BMP6: variants seen among roughly 807,000 people sequenced by gnomAD.
BMP6 encodes the protein bone morphogenetic protein 6.
BMP6 carries 17 observed loss-of-function variants against 54.1 expected under a neutral mutation model. That is an observed-to-expected ratio of 0.31 (90% CI 0.22 to 0.47). The LOEUF is 0.47. Ranked by LOEUF, BMP6 falls within the 20% of genes least tolerant of loss-of-function variation. The probability of loss-of-function intolerance (pLI) is 1.00; values close to 1 mark genes in which losing one functional copy is unlikely to be tolerated. For synonymous variants in BMP6, 328 were observed against 291.2 expected, an observed-to-expected ratio of 1.13 and a Z score of -1.28; for missense variants, 720 against 690.4, an observed-to-expected ratio of 1.04 and a Z score of -0.48.
chr6:7,840,813 G>A (rs1292804485), intron 1 of BMP6, among the ~76,000 whole-genome samples: 8 of 152,074 alleles, frequency 5.3e-5, no homozygotes, highest in Admixed American at 5.2e-4. Flanking sequence ...AAAAATTCTA[G>A]GAATTATTGC....
At chr6:7,729,769 G>C (rs780173470) in intron 1 of BMP6, among the ~76,000 whole-genome samples, 2 of 152,230 alleles carry the variant, frequency 1.3e-5, no homozygotes, top group Non-Finnish European at 2.9e-5. Flanking sequence ...AATCACGTGG[G>C]TGTTACGTGG....
intron 1 of BMP6, among the ~76,000 whole-genome samples, chr6:7,842,343 TG>T (rs1758986828): frequency 1.3e-5 from 2 of 152,250 alleles, no homozygotes; most frequent in African/African-American, 4.8e-5. Context: ...CTGAGGTGCT[TG>T]GGGACAGGCT....
chr6:7,742,438 GC>G (rs1483558282), intron 1 of BMP6, among the ~76,000 whole-genome samples: 1 of 152,184 alleles, frequency 6.6e-6, no homozygotes, highest in East Asian at 1.9e-4. Flanking sequence ...AGGCTGGTAG[GC>G]TTGGCATACA....
At chr6:7,839,483 A>G (rs1758930011) in intron 1 of BMP6, among the ~76,000 whole-genome samples, 1 of 152,188 alleles carries the variant, frequency 6.6e-6, no homozygotes, top group South Asian at 2.1e-4. Flanking sequence ...CCTCTCCCAT[A>G]GCCCCTGGTA....
At position 7,750,476 on chromosome 6, in the gene BMP6, G is replaced by T. The variant is rs1757405540; in HGVS notation, c.664+22857G>T. On this transcript the variant is annotated intron_variant, in intron 1 of 6. Coordinates refer to ENST00000283147, the MANE Select transcript of BMP6 (RefSeq NM_001718.6). ...TTTGGAGTTTCTGAAATTGTGCAGTGCAGTGTTTTAGCTTAACATTCTCAC... is the reference window on the plus strand; with the variant it reads ...TTTGGAGTTTCTGAAATTGTGCAGTTCAGTGTTTTAGCTTAACATTCTCAC... 2.0e-5 allele frequency among the ~76,000 whole-genome samples: 3 copies of T among 152,300 alleles called. No individual in the cohort carries two copies. The South Asian group carries it at 6.2e-4, about 32-fold the overall frequency.
chr6:7,740,517 A>G (rs949742360), intron 1 of BMP6, among the ~76,000 whole-genome samples: 1 of 152,162 alleles, frequency 6.6e-6, no homozygotes, highest in Admixed American at 6.5e-5. Flanking sequence ...ATTTGTAGAA[A>G]GTTGTCAGTC....
intron 2 of BMP6, among the ~76,000 whole-genome samples, chr6:7,847,374 G>C (rs1426903299): frequency 6.6e-6 from 1 of 152,180 alleles, no homozygotes; most frequent in Non-Finnish European, 1.5e-5. Context: ...TGTGGGCCAG[G>C]AGCCCAGGCC....
At position 7,738,795 on chromosome 6, in the gene BMP6, T is replaced by A. The variant is rs1164235710; in HGVS notation, c.664+11176T>A. 3.9e-5 allele frequency among the ~76,000 whole-genome samples: 6 copies of A among 152,246 alleles called. No individual in the cohort carries two copies. In the East Asian group the frequency reaches 9.6e-4, roughly 24 times the overall value. On this transcript the variant is annotated intron_variant, in intron 1 of 6. Transcript: ENST00000283147. ...TAGGTAGGCATGGCTGCAACCATCA[T>A]GGCAGGGAAGATGGTGAACACATTC...
chr6:7,832,264 C>G lies in BMP6; in HGVS notation c.665-12876C>G, dbSNP rs557713270. 2.4e-4 allele frequency among the ~76,000 whole-genome samples: 36 copies of G among 152,282 alleles called. No homozygotes were observed. The South Asian group carries it at 6.6e-3, about 28-fold the overall frequency. On this transcript the variant is annotated intron_variant, in intron 1 of 6. Coordinates refer to ENST00000283147, the MANE Select transcript of BMP6 (RefSeq NM_001718.6). ...CCGAATGTTTGTTTCCACGCCCCTG[C>G]AAATTCATATCTTGAAACCTAACCC...
Position 7,861,453 on chromosome 6 carries a change from A to G in BMP6, c.860A>G (p.Asp287Gly), listed in dbSNP as rs529370368. 6.2e-7 allele frequency: 1 copy of G among 1,613,478 alleles called. No homozygotes were observed. The highest frequency in any genetic ancestry group is 1.3e-5 in the African/African-American group (1 of 74,860). ...YQVLQEHQHR[D>G]SDLFLLDTRV... ...AGGCCATTTTTTCTTTCTTTCAGAG[A>G]CTCTGACCTGTTTTTGTTGGACACC... The change falls in exon 3 of 7, where the codon GAC becomes GGC. Residue 287 changes from aspartate to glycine, a missense_variant and splice_region_variant. Coordinates refer to ENST00000283147, the MANE Select transcript of BMP6 (RefSeq NM_001718.6).
At chr6:7,745,389 C>T (rs1448053507) in intron 1 of BMP6, among the ~76,000 whole-genome samples, 2 of 152,156 alleles carry the variant, frequency 1.3e-5, no homozygotes, top group Non-Finnish European at 2.9e-5. Flanking sequence ...TCCTCCCACC[C>T]TAGCCTCCTG....
At chr6:7,752,643 C>T (rs982417294) in intron 1 of BMP6, among the ~76,000 whole-genome samples, 5 of 144,674 alleles carry the variant, frequency 3.5e-5, no homozygotes, top group Non-Finnish European at 4.5e-5. Context: ...GCCATAACTT[C>T]AGGAAGGTGC....
intron 4 of BMP6, among the ~76,000 whole-genome samples, chr6:7,877,139 C>G (rs1023029954): frequency 1.3e-5 from 2 of 151,954 alleles, no homozygotes; most frequent in African/African-American, 4.8e-5. Flanking sequence ...CCTTGTCCTG[C>G]ATTGTGAAAA....
intron 1 of BMP6, among the ~76,000 whole-genome samples, chr6:7,804,352 C>A (rs551353652): frequency 1.3e-5 from 2 of 152,004 alleles, no homozygotes; most frequent in African/African-American, 2.4e-5. Context: ...TCTCATTAGC[C>A]ATCTGGCCAT....
chr6:7,786,708 C>G (rs1157029188), intron 1 of BMP6, among the ~76,000 whole-genome samples: 6 of 152,224 alleles, frequency 3.9e-5, no homozygotes, highest in African/African-American at 1.4e-4. Flanking sequence ...CCCTCCCTAG[C>G]ACTTCATGAG....
At chr6:7,823,837 G>T (rs1004530590) in intron 1 of BMP6, among the ~76,000 whole-genome samples, 4 of 152,182 alleles carry the variant, frequency 2.6e-5, no homozygotes, top group Non-Finnish European at 5.9e-5. Context: ...AGCAAGCCAG[G>T]GCCCTACGTG....
At chr6:7,829,086 C>T (rs1758748299) in intron 1 of BMP6, among the ~76,000 whole-genome samples, 1 of 152,220 alleles carries the variant, frequency 6.6e-6, no homozygotes, top group Non-Finnish European at 1.5e-5. Flanking sequence ...ACTTTCAAAA[C>T]TTGAACATTT....
intron 1 of BMP6, among the ~76,000 whole-genome samples, chr6:7,834,521 AT>A (rs34500059): frequency 8.0e-5 from 12 of 149,486 alleles, no homozygotes; most frequent in Admixed American, 2.0e-4. Flanking sequence ...AGCAATTTGA[AT>A]TTTTTTTTTT....
intron 1 of BMP6, among the ~76,000 whole-genome samples, chr6:7,808,361 G>A (rs1192367110): frequency 6.6e-6 from 1 of 152,202 alleles, no homozygotes; most frequent in East Asian, 1.9e-4. Flanking sequence ...TTTCTGAAAT[G>A]TGTTAACCAC....
Sources: allele counts gnomAD v4.1 joint callset (sites outside exome capture counted in the v4.1 genomes callset), GRCh38; gene constraint gnomAD v4.1.1; transcripts MANE v1.5; gene names NCBI Gene and HGNC (gene_info 2026-07-23, HGNC 2026-07-21).